The following RBPJ variants were observed in gnomAD, a reference collection of about 807,000 sequenced individuals.
RBPJ encodes the protein recombining binding protein suppressor of hairless.
In RBPJ, 9 loss-of-function variants were observed where a neutral mutation model predicts 67.8. The ratio of observed to expected loss-of-function variants is 0.13; its 90% CI spans 0.08 to 0.23. The LOEUF (loss-of-function observed/expected upper bound fraction) is 0.23. Ranked by LOEUF, RBPJ falls within the 10% of genes least tolerant of loss-of-function variation. RBPJ has a pLI of 1.00. For synonymous variants in RBPJ, 198 were observed against 203.3 expected, an observed-to-expected ratio of 0.97 and a Z score of 0.22; for missense variants, 305 against 595.6, an observed-to-expected ratio of 0.51 and a Z score of 5.08.
chr4:26,366,227 C>T (rs1728608206), intron 1 of RBPJ, among the ~76,000 whole-genome samples: 1 of 152,088 alleles, frequency 6.6e-6, no homozygotes, highest in African/African-American at 2.4e-5. Flanking sequence ...CTGACCTCAG[C>T]CACAAAAGCT....
At chr4:26,240,510 G>A (rs1262504088) in intron 1 of RBPJ, among the ~76,000 whole-genome samples, 1 of 152,208 alleles carries the variant, frequency 6.6e-6, no homozygotes, top group Non-Finnish European at 1.5e-5. Flanking sequence ...TAGAGGGAGA[G>A]AAAAGCAACC....
At chr4:26,406,830 G>C (rs1733468717) in intron 3 of RBPJ, among the ~76,000 whole-genome samples, 1 of 152,214 alleles carries the variant, frequency 6.6e-6, no homozygotes, top group Non-Finnish European at 1.5e-5. Flanking sequence ...ACTTGCCTGG[G>C]CCTGCCCAGA....
intron 1 of RBPJ, among the ~76,000 whole-genome samples, chr4:26,297,988 A>G (rs977925861): frequency 4.6e-5 from 7 of 152,186 alleles, no homozygotes; most frequent in African/African-American, 1.7e-4. Context: ...TTTAAAATTC[A>G]GGGTTTTGTC....
intron 2 of RBPJ, 40 bp downstream of exon 2, chr4:26,386,431 A>C (rs764662158): frequency 1.5e-6 from 2 of 1,334,276 alleles, no homozygotes; most frequent in Non-Finnish European, 2.1e-6. Flanking sequence ...CATACATTTT[A>C]TGAAAGTATA....
intron 1 of RBPJ, among the ~76,000 whole-genome samples, chr4:26,365,596 A>G (rs1175599553): frequency 3.3e-5 from 5 of 152,242 alleles, no homozygotes; most frequent in Non-Finnish European, 7.3e-5. Context: ...GAAATAAAAT[A>G]TATCCACATT....
chr4:26,148,043 A>T, the RBPJ span, among the ~76,000 whole-genome samples: 724 of 152,324 alleles, frequency 4.8e-3, 8 homozygotes, highest in African/African-American at 0.016. Flanking sequence ...AGATGATTCT[A>T]GTGTATACTA....
rs571882514 is a variant in RBPJ, at chr4:26,205,999, T to G, written c.-167+42385T>G. ...TTGAGTAAATATGATATATGCGTAT[T>G]TTTTTTATAAATTACACATAGATGA... On this transcript the variant is annotated intron_variant, in intron 1 of 4. Transcript: ENST00000512351. Among the ~76,000 whole-genome samples the G allele has an allele frequency of 3.6e-3, 118 of 32,852 alleles. 1 individual carries two copies. Among genetic ancestry groups the G allele is most frequent in the African/African-American group, 0.015 (112 of 7,384 alleles). The allele number at this position is 32,852 out of a possible 152,430, so 21.6% of individuals were successfully genotyped here. A position where few individuals can be genotyped will look rare whatever the true frequency, so the allele number is the denominator to read the frequency against.
At chr4:26,177,100 A>G (rs1364450616) in intron 1 of RBPJ, among the ~76,000 whole-genome samples, 2 of 152,128 alleles carry the variant, frequency 1.3e-5, no homozygotes, top group East Asian at 3.9e-4. Flanking sequence ...CCGCTCCTAG[A>G]TATTCATAAG....
intron 1 of RBPJ, among the ~76,000 whole-genome samples, chr4:26,377,410 A>G (rs968280917): frequency 1.3e-5 from 2 of 152,228 alleles, no homozygotes; most frequent in African/African-American, 4.8e-5. Flanking sequence ...GGTCTTGAAC[A>G]CTGCTTTCCC....
chr4:26,168,766 G>A (rs373214457), intron 1 of RBPJ, among the ~76,000 whole-genome samples: 19 of 152,180 alleles, frequency 1.2e-4, no homozygotes, highest in African/African-American at 2.4e-4. Context: ...GGCTTTGTTC[G>A]TTTCTTTTTA....
chr4:26,340,574 T>C (rs893582192), intron 1 of RBPJ, among the ~76,000 whole-genome samples: 3 of 151,966 alleles, frequency 2.0e-5, no homozygotes, highest in Middle Eastern at 3.2e-3. Flanking sequence ...ATGCAGCATA[T>C]TGGGGCCGGG....
rs146146449 is a variant in RBPJ, at chr4:26,374,164, T to A, written c.21-12189T>A. On this transcript the variant is annotated intron_variant, in intron 1 of 10. Transcript: ENST00000355476. ...CATGTTGGCCAGGCTGGTCTCAAAC[T>A]CCTGACCTCAGGTGATCCACTCGCC... Among the ~76,000 whole-genome samples the A allele has an allele frequency of 2.6e-3, 403 of 152,214 alleles. 5 individuals are homozygous for A. Among genetic ancestry groups the A allele is most frequent in the African/African-American group, 9.3e-3 (388 of 41,518 alleles).
At chr4:26,427,433 C>A (rs1440052184) in intron 7 of RBPJ, among the ~76,000 whole-genome samples, 6 of 152,092 alleles carry the variant, frequency 3.9e-5, no homozygotes, top group Non-Finnish European at 7.4e-5. Context: ...GGAGAGAAGT[C>A]TGGAGATAAT....
chr4:26,329,394 G>C (rs1723995212), intron 1 of RBPJ, among the ~76,000 whole-genome samples: 1 of 152,182 alleles, frequency 6.6e-6, no homozygotes, highest in African/African-American at 2.4e-5. Flanking sequence ...ATCTGATTTT[G>C]GTGGTGGGCC....
At chr4:26,145,244 C>T in the RBPJ span, among the ~76,000 whole-genome samples, 1 of 152,236 alleles carries the variant, frequency 6.6e-6, no homozygotes, top group East Asian at 1.9e-4. Flanking sequence ...AAATGTTGAA[C>T]TTTTAAACTC....
chr4:26,408,996 T>C (rs183783023), intron 3 of RBPJ, among the ~76,000 whole-genome samples: 1 of 152,350 alleles, frequency 6.6e-6, no homozygotes, highest in East Asian at 1.9e-4. Flanking sequence ...AATAGATGTG[T>C]GTTTATCATA....
intron 2 of RBPJ, among the ~76,000 whole-genome samples, chr4:26,398,006 A>G (rs1193485145): frequency 6.6e-6 from 1 of 152,044 alleles, no homozygotes; most frequent in African/African-American, 2.4e-5. Flanking sequence ...TTGTGATTTG[A>G]TGACTGTGGC....
intron 1 of RBPJ, among the ~76,000 whole-genome samples, chr4:26,172,248 G>C (rs554389558): frequency 1.3e-5 from 2 of 152,076 alleles, no homozygotes; most frequent in African/African-American, 4.8e-5. Flanking sequence ...GCCGCCATCC[G>C]CCTGGCCCCC....
intron 1 of RBPJ, among the ~76,000 whole-genome samples, chr4:26,220,575 C>A (rs1222401366): frequency 6.6e-6 from 1 of 152,138 alleles, no homozygotes; most frequent in Non-Finnish European, 1.5e-5. Context: ...TCTTGAACTC[C>A]GGTCACAGCA....
Sources: gnomAD v4.1 joint callset for allele counts (sites outside exome capture counted in the v4.1 genomes callset) on GRCh38, gnomAD v4.1.1 for gene constraint, MANE v1.5 for transcripts, NCBI Gene and HGNC (gene_info 2026-07-23, HGNC 2026-07-21) for gene names.